Variants in MAP3K11 observed in about 807,000 individuals in gnomAD.
The protein encoded by MAP3K11 is SH3 domain-containing proline-rich kinase.
A neutral mutation model predicts 84.9 loss-of-function variants in MAP3K11; 46 were observed. The ratio of observed to expected loss-of-function variants is 0.54; its 90% CI spans 0.43 to 0.69. The LOEUF (loss-of-function observed/expected upper bound fraction) is 0.69, where lower values mean the gene tolerates loss of function less well. Among genes scored for constraint, MAP3K11 ranks in the 30% least tolerant of loss-of-function variants. The pLI, the probability that MAP3K11 is intolerant of heterozygous loss-of-function variation, is 0.00. For synonymous variants in MAP3K11, 527 were observed against 514.7 expected (o/e 1.02, Z -0.32); for missense variants, 1,053 against 1,198.3 (o/e 0.88, Z 1.79).
intron 8 of MAP3K11, among the ~76,000 whole-genome samples, chr11:65,600,220 G>A (rs1053430868): frequency 4.1e-4 from 63 of 152,112 alleles, no homozygotes; most frequent in Non-Finnish European, 1.5e-4. Context: ...CGCTCCAGCT[G>A]TAGCTTATAA....
rs996761032 is a variant in MAP3K11 at position 65,613,923 on chromosome 11, C to T, written c.-167G>A. On this transcript the variant is annotated 5_prime_UTR_variant, in exon 1 of 10. Transcript: ENST00000309100. ...GAGCCAGGAGTGTTGTCTCCCGGCC[C>T]CCCGCATCTCGGGCTTCTGGAGGAG... 1 of 829,734 alleles carries T rather than the reference C, an allele frequency of 1.2e-6. No homozygotes were observed. The allele number at this position is 829,734 out of a possible 1,614,324, so 51.4% of individuals were successfully genotyped here. A position where few individuals can be genotyped will look rare whatever the true frequency, so the allele number is the denominator to read the frequency against.
rs202052634 is a variant in MAP3K11, at chr11:65,599,394, C to A, written c.2206G>T (p.Gly736Ter). The part of the protein sequence containing the change: ...KSPRREEEPR[G>*]GTVSPPPGTS... ...AGCAGGCCGGCTTCAGGCCACTCAC[C>A]GCGGGGCTCCTCCTCACGTCGGGGG... Residue 736 changes from glycine (G) to a stop codon, truncating the protein, a stop_gained and splice_region_variant, in exon 9 of 10, where the codon GGA (glycine) becomes TGA (stop). Coordinates refer to ENST00000309100, the MANE Select transcript of MAP3K11 (RefSeq NM_002419.4). LOFTEE classifies it high-confidence loss of function. The A allele has an allele frequency of 1.3e-6, 2 of 1,535,468 alleles. No individual in the cohort carries two copies. Among genetic ancestry groups the A allele is most frequent in the Non-Finnish European group, 1.7e-6 (2 of 1,151,366 alleles).
rs1854428472 is a variant in MAP3K11 at position 65,599,534 on chromosome 11, T to C, written c.2066A>G (p.Glu689Gly). ...PTPTPAPCPTEPPPSPLICFS... is the reference protein window; with the variant it reads ...PTPTPAPCPTGPPPSPLICFS... ...GCAGATGAGCGGGGAAGGGGGCGGCTCGGTCGGGCAGGGCGCGGGCGTTGG... is the reference window on the plus strand; with the variant it reads ...GCAGATGAGCGGGGAAGGGGGCGGCCCGGTCGGGCAGGGCGCGGGCGTTGG... The change falls in exon 9 of 10, where the codon GAG becomes GGG. Residue 689 changes from glutamate (E) to glycine (G), a missense_variant. Physicochemically the swap from Glu to Gly is moderately conservative, Grantham distance 98. Coordinates refer to ENST00000309100, the MANE Select transcript of MAP3K11 (RefSeq NM_002419.4). 1.3e-6 allele frequency: 2 copies of C among 1,487,596 alleles called. No individual in the cohort carries two copies. Among genetic ancestry groups the C allele is most frequent in the Non-Finnish European group, 1.8e-6 (2 of 1,124,820 alleles). 92.1% of individuals were successfully genotyped at this position (1,487,596 alleles called of 1,614,324 possible).
At chr11:65,607,866 G>T (rs1590857213) in intron 3 of MAP3K11, 50 bp from the exon 4 acceptor site, 5 of 1,606,378 alleles carry the variant, frequency 3.1e-6, no homozygotes, top group Non-Finnish European at 4.3e-6. Context: ...GTCCGTGGGT[G>T]GATGTGTCCT....
At chr11:65,612,764 C>T in intron 1 of MAP3K11, 2 of 389,882 alleles carry the variant, frequency 5.1e-6, no homozygotes, top group Non-Finnish European at 9.1e-6. Flanking sequence ...TGAGAGATAC[C>T]AATTTCTTAA....
intron 5 of MAP3K11, chr11:65,607,007 G>T: frequency 1.7e-6 from 1 of 587,552 alleles, no homozygotes. Context: ...ATGCCCTGGC[G>T]CCGGCCGGCC....
chr11:65,607,069 C>G (rs1854517849), intron 5 of MAP3K11: 2 of 833,418 alleles, frequency 2.4e-6, no homozygotes, highest in Non-Finnish European at 3.5e-6. Context: ...CTTCCCACTC[C>G]CAGACCGACA....
chr11:65,607,258 C>A lies in MAP3K11; in HGVS notation c.1489+12G>T, dbSNP rs750306858. 6.7e-6 allele frequency: 10 copies of A among 1,494,080 alleles called. No homozygotes were observed. In the Middle Eastern group the frequency reaches 1.7e-3, roughly 247 times the overall value. The allele number at this position is 1,494,080 out of a possible 1,614,324, so 92.6% of individuals were successfully genotyped here. ...GCCAATGGCGGGGGACGCCCCGGGG[C>A]CCGGCCCTCACCGAGTGGCATGCTG... On this transcript the variant is annotated intron_variant, in intron 5 of 9. Transcript: ENST00000309100.
chr11:65,604,471 A>C (rs936840830), intron 8 of MAP3K11, among the ~76,000 whole-genome samples: 20 of 152,252 alleles, frequency 1.3e-4, no homozygotes, highest in African/African-American at 4.3e-4. Context: ...CTGGAGTAGC[A>C]AATGGCGGGG....
Position 65,613,483 on chromosome 11 carries a change from C to T in MAP3K11, c.274G>A (p.Val92Met), listed in dbSNP as rs774912406. The change falls in exon 1 of 10, where the codon GTG (valine) becomes ATG (methionine). Residue 92 changes from valine to methionine, a missense_variant. By Grantham distance (21) the Val-to-Met change is conservative. Around this residue, in one of 3 missense-constraint regions of MAP3K11, gnomAD observed 160 missense variants for 167.3 expected, o/e 0.96. Transcript: ENST00000309100. Reference sequence around the variant, plus strand: ...ACATAGTTGGACGGGAAGATGCCCACCTGGCCACCCACCTGGCCCGCCCAC... The same window carrying T: ...ACATAGTTGGACGGGAAGATGCCCATCTGGCCACCCACCTGGCCCGCCCAC... ...GWWAGQVGGQ[V>M]GIFPSNYVSR... is the part of the protein sequence containing the mutation. 4 of 1,612,234 alleles carry T rather than the reference C, an allele frequency of 2.5e-6. No homozygotes were observed. Among genetic ancestry groups the T allele is most frequent in the South Asian group, 1.1e-5 (1 of 91,012 alleles).
At chr11:65,605,874 G>C in intron 7 of MAP3K11, 22 bp from the exon 8 acceptor site, 4 of 1,612,884 alleles carry the variant, frequency 2.5e-6, no homozygotes, top group Non-Finnish European at 3.4e-6. Flanking sequence ...AGGGCAAGGA[G>C]GGGTGCTTTA....
In MAP3K11 at chr11:65,613,306, C is replaced by T. The variant is rs758769421; in HGVS notation, c.451G>A (p.Asp151Asn). 12 of 1,613,122 alleles carry T rather than the reference C, an allele frequency of 7.4e-6. No individual in the cohort carries two copies. Among genetic ancestry groups the T allele is most frequent in the East Asian group, 2.2e-5 (1 of 44,894 alleles). ...VAVKAARQDP[D>N]EDISVTAESV... ...TCGGCTGTCACACTGATGTCCTCAT[C>T]GGGGTCCTGGCGAGCTGCCTTCACA... Residue 151 changes from aspartate (D) to asparagine (N), a missense_variant, in exon 1 of 10, where the codon GAT becomes AAT. Around this residue, in one of 3 missense-constraint regions of MAP3K11, gnomAD observed 310 missense variants for 464.5 expected, o/e 0.67. Coordinates refer to ENST00000309100, the MANE Select transcript of MAP3K11 (RefSeq NM_002419.4).
intron 8 of MAP3K11, among the ~76,000 whole-genome samples, chr11:65,600,401 A>T (rs1228379818): frequency 2.0e-5 from 3 of 152,214 alleles, no homozygotes; most frequent in Non-Finnish European, 4.4e-5. Flanking sequence ...GCATAGGGGC[A>T]TTATGTTGTC....
intron 8 of MAP3K11, 42 bp downstream of exon 8, chr11:65,605,719 A>G (rs757705121): frequency 6.7e-7 from 1 of 1,494,794 alleles, no homozygotes; most frequent in East Asian, 2.3e-5. Flanking sequence ...TGCCCACGGA[A>G]GGAGCTCAGC....
chr11:65,605,469 G>C (rs753497181), intron 8 of MAP3K11: 4 of 288,476 alleles, frequency 1.4e-5, no homozygotes, highest in Non-Finnish European at 2.6e-5. Context: ...TAAAGGCACA[G>C]GGGCTGCCAT....
At position 65,607,779 on chromosome 11, in the gene MAP3K11, G is replaced by A. The variant is rs1456293131; in HGVS notation, c.1107C>T (p.Phe369=). The change falls in exon 4 of 10, where the codon TTC becomes TTT. Residue 369 remains phenylalanine, a synonymous_variant. Coordinates refer to ENST00000309100, the MANE Select transcript of MAP3K11 (RefSeq NM_002419.4). ...WAQDPHRRPD[F]ASILQQLEAL... is the part of the protein sequence containing the mutation. Reference sequence around the variant, plus strand: ...CCTCCAACTGCTGCAGGATGGAGGCGAAGTCGGGCCTGCGGTGGGGGTCCT... The same window carrying A: ...CCTCCAACTGCTGCAGGATGGAGGCAAAGTCGGGCCTGCGGTGGGGGTCCT... 6.2e-7 allele frequency: 1 copy of A among 1,613,042 alleles called. No individual in the cohort carries two copies. The highest frequency in any genetic ancestry group is 8.5e-7 in the Non-Finnish European group (1 of 1,179,672).
At chr11:65,605,639 G>C in intron 8 of MAP3K11, 122 bp downstream of exon 8, 1 of 675,986 alleles carries the variant, frequency 1.5e-6, no homozygotes. Context: ...TGGTTTCCTA[G>C]TCTCTAGAAT....
At chr11:65,599,831 A>T in intron 8 of MAP3K11, 63 bp from the exon 9 acceptor site, 3 of 1,541,766 alleles carry the variant, frequency 1.9e-6, no homozygotes, top group Non-Finnish European at 2.6e-6. Context: ...AGGGCCCAAG[A>T]CCTCTCCGTG....
intron 8 of MAP3K11, 47 bp downstream of exon 8, chr11:65,605,714 A>T: frequency 2.0e-6 from 3 of 1,465,056 alleles, no homozygotes; most frequent in Non-Finnish European, 2.8e-6. Context: ...CAAGGTGCCC[A>T]CGGAAGGAGC....
Sources: allele counts gnomAD v4.1 joint callset (sites outside exome capture counted in the v4.1 genomes callset), GRCh38; gene constraint gnomAD v4.1.1; regional missense constraint gnomAD v4.1.1; transcripts MANE v1.5; gene names NCBI Gene and HGNC (gene_info 2026-07-23, HGNC 2026-07-21).